The following SGCZ variants were observed in gnomAD, a reference collection of about 807,000 sequenced individuals.
SGCZ encodes zeta-sarcoglycan.
In SGCZ, 40 loss-of-function variants were observed where a neutral mutation model predicts 41.3. The observed-to-expected ratio is 0.97, with a 90% confidence interval of 0.75 to 1.26. The LOEUF (loss-of-function observed/expected upper bound fraction) is 1.26, where lower values mean the gene tolerates loss of function less well. SGCZ is among the 50% of genes most tolerant of loss of function. The probability of loss-of-function intolerance (pLI) is 0.00; values close to 1 mark genes in which losing one functional copy is unlikely to be tolerated. For missense variants in SGCZ, 552 were observed against 369.8 expected (o/e 1.49, Z -4.04); for synonymous variants, 206 against 137.5 (o/e 1.50, Z -3.49).
chr8:14,806,973 A>T (rs991017083), intron 1 of SGCZ, among the ~76,000 whole-genome samples: 1 of 151,954 alleles, frequency 6.6e-6, no homozygotes, highest in African/African-American at 2.4e-5. Context: ...AGAGCCAAAG[A>T]CAAAAACCAC....
chr8:14,607,191 C>A (rs1805779733), intron 1 of SGCZ, among the ~76,000 whole-genome samples: 2 of 152,190 alleles, frequency 1.3e-5, no homozygotes, highest in South Asian at 4.1e-4. Context: ...TACATACATA[C>A]AAAACAACAG....
intron 1 of SGCZ, among the ~76,000 whole-genome samples, chr8:14,982,864 C>A (rs1029298655): frequency 6.6e-6 from 1 of 152,154 alleles, no homozygotes; most frequent in African/African-American, 2.4e-5. Flanking sequence ...TGCTACTGAT[C>A]GTTCAAACTT....
At chr8:15,095,225 A>C (rs1317752231) in intron 1 of SGCZ, among the ~76,000 whole-genome samples, 1 of 152,100 alleles carries the variant, frequency 6.6e-6, no homozygotes. Flanking sequence ...CAGCCTCCCA[A>C]GTAACTGGGA....
intron 2 of SGCZ, among the ~76,000 whole-genome samples, chr8:14,370,523 T>C (rs957215747): frequency 1.3e-5 from 2 of 151,920 alleles, no homozygotes; most frequent in Non-Finnish European, 2.9e-5. Flanking sequence ...GTAACACAAC[T>C]GGTAAACAGA....
intron 2 of SGCZ, among the ~76,000 whole-genome samples, chr8:14,362,127 G>T (rs571029902): frequency 2.0e-5 from 3 of 152,158 alleles, no homozygotes; most frequent in Non-Finnish European, 4.4e-5. Context: ...CTCCCAGTCA[G>T]GCTACACGTG....
At chr8:14,515,451 T>C (rs368635458) in intron 2 of SGCZ, among the ~76,000 whole-genome samples, 40 of 152,228 alleles carry the variant, frequency 2.6e-4, no homozygotes, top group African/African-American at 9.1e-4. Flanking sequence ...TGTATCTTGG[T>C]TTCTAACATA....
intron 2 of SGCZ, among the ~76,000 whole-genome samples, chr8:14,427,372 G>GAAAGAA (rs1048712803): frequency 6.6e-5 from 10 of 151,976 alleles, no homozygotes; most frequent in Non-Finnish European, 1.3e-4. Flanking sequence ...AAAAAAGAAA[G>GAAAGAA]AAAGAAAAAG....
Position 14,122,200 on chromosome 8 carries a change from C to T in SGCZ, c.548-13965G>A, listed in dbSNP as rs535684290. 1.2e-4 allele frequency among the ~76,000 whole-genome samples: 18 copies of T among 152,288 alleles called. No individual in the cohort carries two copies. The South Asian group carries it at 3.3e-3, about 28-fold the overall frequency. The stretch of plus-strand genomic sequence containing the variant: ...GCTGAGGCAGGAGAATGGCGTGAAC[C>T]CGGGAGGTGGAGCTTGCAGTTAGCT... On this transcript the variant is annotated intron_variant, in intron 5 of 7. Coordinates refer to ENST00000382080, the MANE Select transcript of SGCZ (RefSeq NM_139167.4).
intron 2 of SGCZ, among the ~76,000 whole-genome samples, chr8:14,534,709 T>A (rs1430619897): frequency 6.6e-6 from 1 of 151,960 alleles, no homozygotes; most frequent in Non-Finnish European, 1.5e-5. Flanking sequence ...TCCAATTCTG[T>A]CACCTTCAAA....
intron 1 of SGCZ, among the ~76,000 whole-genome samples, chr8:14,669,851 T>C (rs1006817104): frequency 1.7e-4 from 26 of 152,300 alleles, no homozygotes; most frequent in African/African-American, 5.5e-4. Context: ...TTCCTTTAGA[T>C]ATATACCCAG....
At chr8:15,172,184 C>A (rs1470072566) in intron 1 of SGCZ, among the ~76,000 whole-genome samples, 4 of 22,664 alleles carry the variant, frequency 1.8e-4, no homozygotes, top group Admixed American at 1.3e-3. Context: ...TTTTTTGAGA[C>A]GGAGTTTCGC....
intron 2 of SGCZ, among the ~76,000 whole-genome samples, chr8:14,546,868 C>T (rs1378882549): frequency 1.3e-5 from 2 of 151,976 alleles, no homozygotes; most frequent in African/African-American, 4.8e-5. Flanking sequence ...CTATACAACC[C>T]ATGCTTTTAC....
At chr8:14,675,159 C>G (rs1028397708) in intron 1 of SGCZ, among the ~76,000 whole-genome samples, 1 of 151,470 alleles carries the variant, frequency 6.6e-6, no homozygotes, top group East Asian at 1.9e-4. Context: ...TCAGGATGGT[C>G]TCGATCTCCT....
At chr8:14,895,583 A>T (rs563542467) in intron 1 of SGCZ, among the ~76,000 whole-genome samples, 11 of 152,340 alleles carry the variant, frequency 7.2e-5, no homozygotes, top group Non-Finnish European at 1.5e-4. Flanking sequence ...AAGATCAAAG[A>T]AGATGTAAGT....
intron 4 of SGCZ, among the ~76,000 whole-genome samples, chr8:14,200,853 A>G (rs146202417): frequency 3.0e-4 from 45 of 152,300 alleles, no homozygotes; most frequent in African/African-American, 1.1e-3. Context: ...AGGAATGAAG[A>G]TACGTCACAG....
rs1283532413 is a variant in SGCZ at position 15,022,136 on chromosome 8, TTCTA to T, written c.39+215445_39+215448del. 2.0e-5 allele frequency among the ~76,000 whole-genome samples: 3 copies of T among 152,164 alleles called. 1 individual carries two copies. Among genetic ancestry groups the T allele is most frequent in the Admixed American group, 1.3e-4 (2 of 15,274 alleles). ...AGGTAACAATGATAATTTCAAACTC[TTCTA>T]TCTGTCTTTATATGAATTTCATATA... On this transcript the variant is annotated intron_variant, in intron 1 of 7. Coordinates refer to ENST00000382080, the MANE Select transcript of SGCZ (RefSeq NM_139167.4).
intron 3 of SGCZ, among the ~76,000 whole-genome samples, chr8:14,246,308 A>C (rs1367162839): frequency 1.3e-5 from 2 of 152,122 alleles, no homozygotes; most frequent in Admixed American, 6.5e-5. Flanking sequence ...GACACGGATG[A>C]AACTGGAAAT....
chr8:14,812,765 C>G (rs1277244397), intron 1 of SGCZ, among the ~76,000 whole-genome samples: 1 of 152,112 alleles, frequency 6.6e-6, no homozygotes, highest in Non-Finnish European at 1.5e-5. Flanking sequence ...TTTAACTTAA[C>G]AGTGCTTTTA....
At chr8:15,201,782 A>G (rs577719923) in intron 1 of SGCZ, among the ~76,000 whole-genome samples, 1 of 152,346 alleles carries the variant, frequency 6.6e-6, no homozygotes, top group African/African-American at 2.4e-5. Context: ...ATACTTGAAA[A>G]GCAGGATACA....
Sources: allele counts gnomAD v4.1 joint callset (sites outside exome capture counted in the v4.1 genomes callset), GRCh38; gene constraint gnomAD v4.1.1; transcripts MANE v1.5; gene names NCBI Gene and HGNC (gene_info 2026-07-23, HGNC 2026-07-21).